USP34: variants seen among roughly 807,000 people sequenced by gnomAD.
The protein encoded by USP34 is ubiquitin specific peptidase 34.
In USP34, 70 loss-of-function variants were observed where a neutral mutation model predicts 460.3. That is an observed-to-expected ratio of 0.15 (90% CI 0.13 to 0.19). The LOEUF is 0.19. Among genes scored for constraint, USP34 ranks in the 10% least tolerant of loss-of-function variants. The pLI, the probability that USP34 is intolerant of heterozygous loss-of-function variation, is 1.00. For missense variants in USP34, 3,985 were observed against 4,236.2 expected (o/e 0.94, Z 1.65); for synonymous variants, 1,647 against 1,405.3 (o/e 1.17, Z -3.85).
chr2:61,288,479 G>A (rs1368067523), intron 34 of USP34, among the ~76,000 whole-genome samples, 198 bp downstream of exon 34: 2 of 152,124 alleles, frequency 1.3e-5, no homozygotes, highest in African/African-American at 2.4e-5. Flanking sequence ...AAAATGGCAC[G>A]ACTCATTTCT....
At chr2:61,194,082 T>C (rs1244330619) in intron 75 of USP34, 1 of 984,696 alleles carries the variant, frequency 1.0e-6, no homozygotes, top group East Asian at 1.1e-4. Flanking sequence ...AGCATGTGGG[T>C]TGTAATTTGC....
intron 23 of USP34, among the ~76,000 whole-genome samples, chr2:61,317,078 G>A (rs1365548514): frequency 1.3e-5 from 2 of 152,058 alleles, no homozygotes; most frequent in African/African-American, 4.8e-5. Context: ...AAAATATTTG[G>A]CTGTATTATC....
At chr2:61,468,869 C>T (rs1273000724) in intron 1 of USP34, among the ~76,000 whole-genome samples, 1 of 152,254 alleles carries the variant, frequency 6.6e-6, no homozygotes, top group East Asian at 1.9e-4. Context: ...GATAAACCAA[C>T]TTTACTTTCT....
intron 1 of USP34, among the ~76,000 whole-genome samples, chr2:61,431,652 C>T (rs778499806): frequency 1.3e-5 from 2 of 152,046 alleles, no homozygotes; most frequent in Non-Finnish European, 1.5e-5. Context: ...GTTAGGAGTT[C>T]GAGACCAGCC....
chr2:61,428,910 G>C (rs913412276), intron 1 of USP34, among the ~76,000 whole-genome samples: 1 of 152,166 alleles, frequency 6.6e-6, no homozygotes, highest in African/African-American at 2.4e-5. Context: ...AGAATTCACA[G>C]AATTAGTCCA....
intron 23 of USP34, among the ~76,000 whole-genome samples, chr2:61,316,406 G>C (rs916244416): frequency 1.3e-5 from 2 of 151,940 alleles, no homozygotes; most frequent in African/African-American, 4.8e-5. Flanking sequence ...TCAACGTGGT[G>C]AAAACCCAAC....
At chr2:61,331,181 C>T (rs1691249802) in intron 20 of USP34, 95 bp downstream of exon 20, 15 of 1,033,138 alleles carry the variant, frequency 1.5e-5, no homozygotes, top group Non-Finnish European at 6.9e-6. Flanking sequence ...GTTACAATTA[C>T]TTATTATATG....
chr2:61,326,072 A>G (rs1352275896), intron 20 of USP34, among the ~76,000 whole-genome samples: 1 of 152,198 alleles, frequency 6.6e-6, no homozygotes, highest in Non-Finnish European at 1.5e-5. Flanking sequence ...GATCAACAAG[A>G]GACAGACTGT....
intron 30 of USP34, 74 bp downstream of exon 30, chr2:61,296,726 A>C: frequency 6.9e-7 from 1 of 1,455,972 alleles, no homozygotes; most frequent in Non-Finnish European, 9.2e-7. Flanking sequence ...ATCAACAGGC[A>C]ATCTTCTACA....
At chr2:61,223,573 CT>C (rs569962717) in intron 62 of USP34, 16,903 of 228,456 alleles carry the variant, frequency 0.074, 42 homozygotes, top group South Asian at 0.11. Context: ...ATTTTACTTA[CT>C]TTTTTTTTTT....
intron 41 of USP34, among the ~76,000 whole-genome samples, chr2:61,276,867 G>A (rs1212776050): frequency 6.6e-6 from 1 of 152,164 alleles, no homozygotes; most frequent in Non-Finnish European, 1.5e-5. Flanking sequence ...GAATCCTTTA[G>A]TCTATGCCTA....
rs370356316 is a variant in USP34 at position 61,271,680 on chromosome 2, AAG to A, written c.5434-5515_5434-5514del. Among the ~76,000 whole-genome samples, 38 of 152,282 alleles carry A rather than the reference AAG, an allele frequency of 2.5e-4. No individual in the cohort carries two copies. In the East Asian group the frequency reaches 5.4e-3, roughly 22 times the overall value. On this transcript the variant is annotated intron_variant, in intron 41 of 79. Coordinates refer to ENST00000398571, the MANE Select transcript of USP34 (RefSeq NM_014709.4). ...TACTGGAAAGGTAAAAGAAAGAAGA[AAG>A]AGGAGAAAGGAGGGGAAGAAGGGGG...
intron 3 of USP34, among the ~76,000 whole-genome samples, chr2:61,399,704 C>G (rs1693651497): frequency 6.6e-6 from 1 of 151,710 alleles, no homozygotes; most frequent in African/African-American, 2.4e-5. Flanking sequence ...AACCTCGTCT[C>G]TACTAAAAAC....
At chr2:61,196,084 T>TTTTTA (rs1686798010) in intron 75 of USP34, among the ~76,000 whole-genome samples, 1 of 124,204 alleles carries the variant, frequency 8.1e-6, no homozygotes, top group African/African-American at 3.1e-5. Context: ...TTTTTTTTTT[T>TTTTTA]TTTTTTTTTT....
intron 1 of USP34, among the ~76,000 whole-genome samples, chr2:61,443,309 A>G (rs1695017893): frequency 6.6e-6 from 1 of 152,190 alleles, no homozygotes; most frequent in Non-Finnish European, 1.5e-5. Flanking sequence ...CAATGCAAAA[A>G]AGGGATAAAT....
intron 1 of USP34, among the ~76,000 whole-genome samples, chr2:61,461,448 A>G (rs550037355): frequency 2.6e-5 from 4 of 152,128 alleles, no homozygotes. Flanking sequence ...AGAAAAAAAA[A>G]CATACAATTC....
At chr2:61,332,253 A>G (rs1247869801) in intron 19 of USP34, among the ~76,000 whole-genome samples, 2 of 152,048 alleles carry the variant, frequency 1.3e-5, no homozygotes, top group Admixed American at 1.3e-4. Flanking sequence ...AAGAGATAAT[A>G]TGTACTAAAT....
At chr2:61,293,972 G>A (rs1034692807) in intron 32 of USP34, among the ~76,000 whole-genome samples, 2 of 152,118 alleles carry the variant, frequency 1.3e-5, no homozygotes, top group Non-Finnish European at 2.9e-5. Context: ...CCATGATCAT[G>A]CCACTGCAAT....
At chr2:61,228,533 C>A (rs566356976) in intron 61 of USP34, 112 bp downstream of exon 61, 2 of 831,546 alleles carry the variant, frequency 2.4e-6, no homozygotes, top group East Asian at 2.6e-5. Flanking sequence ...TATTATCTAA[C>A]ACCAGGTTCC....
Sources: gnomAD v4.1 joint callset for allele counts (sites outside exome capture counted in the v4.1 genomes callset) on GRCh38, gnomAD v4.1.1 for gene constraint, MANE v1.5 for transcripts, NCBI Gene and HGNC (gene_info 2026-07-23, HGNC 2026-07-21) for gene names.